The following ROBO1 variants were observed in gnomAD, a reference collection of about 807,000 sequenced individuals.
The protein encoded by ROBO1 is roundabout guidance receptor 1.
A neutral mutation model predicts 195.9 loss-of-function variants in ROBO1; 149 were observed. The ratio of observed to expected loss-of-function variants is 0.76; its 90% CI spans 0.67 to 0.87. ROBO1 has a LOEUF of 0.87. ROBO1 is among the 40% of genes least tolerant of loss of function. ROBO1 has a pLI of 0.00. For missense variants in ROBO1, 1,933 were observed against 2,068.3 expected (o/e 0.93, Z 1.27); for synonymous variants, 816 against 733.2 (o/e 1.11, Z -1.82).
chr3:79,678,029 T>C (rs913972427), intron 1 of ROBO1, among the ~76,000 whole-genome samples: 14 of 152,126 alleles, frequency 9.2e-5, no homozygotes, highest in African/African-American at 3.1e-4. Context: ...CATATTCATA[T>C]TAAGAATTCA....
chr3:79,633,508 A>C (rs903859839), intron 1 of ROBO1, among the ~76,000 whole-genome samples: 10 of 151,826 alleles, frequency 6.6e-5, no homozygotes, highest in Admixed American at 3.9e-4. Flanking sequence ...CTTATTTCTG[A>C]ATTATGAGAA....
At chr3:79,492,425 C>CAAAA (rs745481519) in intron 2 of ROBO1, among the ~76,000 whole-genome samples, 10 of 85,648 alleles carry the variant, frequency 1.2e-4, no homozygotes, top group African/African-American at 2.3e-4. Flanking sequence ...GACTCTGTTT[C>CAAAA]AGAAAAAAAA....
At chr3:79,530,909 A>G (rs745508960) in intron 2 of ROBO1, among the ~76,000 whole-genome samples, 2 of 152,042 alleles carry the variant, frequency 1.3e-5, no homozygotes, top group Non-Finnish European at 2.9e-5. Flanking sequence ...CTCCAGAGTC[A>G]TCTTGCGGGA....
At chr3:79,551,860 G>T (rs900550110) in intron 2 of ROBO1, among the ~76,000 whole-genome samples, 3 of 151,524 alleles carry the variant, frequency 2.0e-5, no homozygotes, top group African/African-American at 4.8e-5. Context: ...CCATTTTATA[G>T]GTAAGTAAAC....
Position 79,051,831 on chromosome 3 carries a change from A to G in ROBO1, c.172+73625T>C, listed in dbSNP as rs531835282. 2.7e-3 allele frequency among the ~76,000 whole-genome samples: 408 copies of G among 152,212 alleles called. 2 individuals are homozygous for G. The highest frequency in any genetic ancestry group is 0.025 in the South Asian group (119 of 4,824). ...TCTGAACATAAATTGTGAAGATTTC[A>G]TGGACACTGATCACTTCCCCAATCA... On this transcript the variant is annotated intron_variant, in intron 3 of 30. Coordinates refer to ENST00000464233, the MANE Select transcript of ROBO1 (RefSeq NM_002941.4).
intron 2 of ROBO1, among the ~76,000 whole-genome samples, chr3:79,450,644 T>C (rs1205997318): frequency 1.3e-5 from 2 of 152,078 alleles, no homozygotes; most frequent in Non-Finnish European, 1.5e-5. Context: ...GTTTCTGTTA[T>C]GAAAATGCTA....
chr3:79,637,654 G>A (rs892023584), intron 1 of ROBO1, among the ~76,000 whole-genome samples: 34 of 151,950 alleles, frequency 2.2e-4, no homozygotes, highest in Non-Finnish European at 2.9e-4. Flanking sequence ...TATGCAGGCC[G>A]TTTTTTATTA....
chr3:79,744,098 C>G (rs1703768089), intron 1 of ROBO1, among the ~76,000 whole-genome samples: 1 of 152,176 alleles, frequency 6.6e-6, no homozygotes, highest in East Asian at 1.9e-4. Context: ...TATTACAAGA[C>G]TAACAGTGCA....
At chr3:79,376,108 T>G (rs1470484809) in intron 2 of ROBO1, among the ~76,000 whole-genome samples, 1 of 152,210 alleles carries the variant, frequency 6.6e-6, no homozygotes, top group Admixed American at 6.5e-5. Context: ...GCTGCATTAT[T>G]TACAATATTT....
rs553431785 is a variant in ROBO1, at chr3:79,428,574, G to A, written c.88+161250C>T. On this transcript the variant is annotated intron_variant, in intron 2 of 30. Transcript: ENST00000464233. ...GCCAGCATACTAAAACAATGTACCA[G>A]TTTCTTATGAAGTTTCCTTATTTGT... Among the ~76,000 whole-genome samples, 10 of 152,208 alleles carry A rather than the reference G, an allele frequency of 6.6e-5. No individual in the cohort carries two copies. In the South Asian group the frequency reaches 1.9e-3, roughly 28 times the overall value.
intron 3 of ROBO1, among the ~76,000 whole-genome samples, chr3:79,044,756 TAGATAAAG>T (rs1206385259): frequency 6.6e-6 from 1 of 152,098 alleles, no homozygotes; most frequent in African/African-American, 2.4e-5. Context: ...AATAGGCATA[TAGATAAAG>T]AGACAGCTTT....
chr3:79,379,316 T>A (rs1255519807), intron 2 of ROBO1, among the ~76,000 whole-genome samples: 1 of 152,208 alleles, frequency 6.6e-6, no homozygotes, highest in Non-Finnish European at 1.5e-5. Context: ...TCCTTGCTTC[T>A]TTGGGCTTGG....
rs757154987 is a variant in ROBO1, at chr3:78,917,262, A to C, written c.499+21339T>G. On this transcript the variant is annotated intron_variant, in intron 4 of 30. Coordinates refer to ENST00000464233, the MANE Select transcript of ROBO1 (RefSeq NM_002941.4). ...TAGGTGCCCGCCACCACACCCAGTTAATTTTGGCACTTGTAGTAGAGATGG... is the reference window on the plus strand; with the variant it reads ...TAGGTGCCCGCCACCACACCCAGTTCATTTTGGCACTTGTAGTAGAGATGG... Among the ~76,000 whole-genome samples the C allele has an allele frequency of 1.2e-4, 18 of 151,852 alleles. No homozygotes were observed. In the East Asian group the frequency reaches 2.5e-3, roughly 21 times the overall value.
chr3:78,806,362 G>C (rs577613049), intron 4 of ROBO1, among the ~76,000 whole-genome samples: 1 of 152,304 alleles, frequency 6.6e-6, no homozygotes, highest in African/African-American at 2.4e-5. Flanking sequence ...CAGTGTCAGT[G>C]AAGGTTCTTG....
intron 2 of ROBO1, among the ~76,000 whole-genome samples, chr3:79,433,164 C>A (rs1380799734): frequency 6.6e-6 from 1 of 152,070 alleles, no homozygotes; most frequent in Admixed American, 6.6e-5. Flanking sequence ...CTTCCTGATG[C>A]TCTTCCTCTT....
At chr3:79,674,655 G>C (rs1946728291) in intron 1 of ROBO1, among the ~76,000 whole-genome samples, 1 of 151,386 alleles carries the variant, frequency 6.6e-6, no homozygotes, top group Non-Finnish European at 1.5e-5. Flanking sequence ...TAAACTTTAG[G>C]GTCATTCTGT....
intron 2 of ROBO1, among the ~76,000 whole-genome samples, chr3:79,232,235 T>C (rs111258917): frequency 0.032 from 4,667 of 144,888 alleles, 217 homozygotes; most frequent in African/African-American, 0.11. Flanking sequence ...AATTAAGACA[T>C]CCTCCTTGAT....
chr3:79,378,174 TCTCA>T lies in ROBO1; in HGVS notation c.88+211646_88+211649del, dbSNP rs974571421. ...TGGTCACTCTCTCTCTCTCTCTCTC[TCTCA>T]CTATCACACATTCTCTCTCTCTTTC... is the stretch of plus-strand genomic sequence containing the variant. On this transcript the variant is annotated intron_variant, in intron 2 of 30. Coordinates refer to ENST00000464233, the MANE Select transcript of ROBO1 (RefSeq NM_002941.4). Among the ~76,000 whole-genome samples the T allele has an allele frequency of 8.6e-4, 131 of 152,006 alleles. 2 individuals carry two copies. Among genetic ancestry groups the T allele is most frequent in the African/African-American group, 2.7e-3 (111 of 41,422 alleles).
chr3:79,514,681 C>T (rs372546254), intron 2 of ROBO1, among the ~76,000 whole-genome samples: 2 of 151,742 alleles, frequency 1.3e-5, no homozygotes, highest in East Asian at 3.9e-4. Context: ...ACCTTTTAAC[C>T]TATTGATGTG....
Sources: gnomAD v4.1 joint callset for allele counts (sites outside exome capture counted in the v4.1 genomes callset) on GRCh38, gnomAD v4.1.1 for gene constraint, MANE v1.5 for transcripts, NCBI Gene and HGNC (gene_info 2026-07-23, HGNC 2026-07-21) for gene names.